TCF7L2: variants seen among roughly 807,000 people sequenced by gnomAD.
TCF7L2 encodes transcription factor 7 like 2, also known as transcription factor 7-like 2.
TCF7L2 carries 23 observed loss-of-function variants against 77.9 expected under a neutral mutation model. The ratio of observed to expected loss-of-function variants is 0.30; its 90% CI spans 0.21 to 0.42. The LOEUF (loss-of-function observed/expected upper bound fraction) is 0.42. TCF7L2 is among the 10% of genes least tolerant of loss of function. The pLI, the probability that TCF7L2 is intolerant of heterozygous loss-of-function variation, is 1.00. For missense variants in TCF7L2, 654 were observed against 793.1 expected (o/e 0.82, Z 2.11); for synonymous variants, 413 against 340.2 (o/e 1.21, Z -2.36).
intron 4 of TCF7L2, among the ~76,000 whole-genome samples, chr10:113,036,473 C>A (rs1369989970): frequency 6.6e-6 from 1 of 152,108 alleles, no homozygotes; most frequent in Non-Finnish European, 1.5e-5. Context: ...GGCAATTTAA[C>A]AGTCTTTTCA....
chr10:112,998,716 G>A (rs1207137230), intron 4 of TCF7L2, among the ~76,000 whole-genome samples: 1 of 152,206 alleles, frequency 6.6e-6, no homozygotes, highest in African/African-American at 2.4e-5. Flanking sequence ...CTGGACACAG[G>A]CCTGTGTGAC....
At chr10:112,994,048 CTG>C (rs1197289571) in intron 4 of TCF7L2, among the ~76,000 whole-genome samples, 1 of 141,916 alleles carries the variant, frequency 7.0e-6, no homozygotes, top group Non-Finnish European at 1.5e-5. Context: ...GAGCGAGACT[CTG>C]TCTCAAAAAA....
At chr10:112,984,618 G>C (rs1405142964) in intron 4 of TCF7L2, among the ~76,000 whole-genome samples, 1 of 151,894 alleles carries the variant, frequency 6.6e-6, no homozygotes, top group Non-Finnish European at 1.5e-5. Context: ...AGTGCATTGT[G>C]AGATGAGGCA....
In TCF7L2 at chr10:113,151,229, T is replaced by G; in HGVS notation, c.1001+106T>G. 1 of 1,508,022 alleles carries G rather than the reference T, an allele frequency of 6.6e-7. No individual in the cohort carries two copies. The highest frequency in any genetic ancestry group is 9.1e-7 in the Non-Finnish European group (1 of 1,102,442). The allele number at this position is 1,508,022 out of a possible 1,614,324, so 93.4% of individuals were successfully genotyped here. Reference sequence around the variant, plus strand: ...TGCCTAAGGTTGGCCTCGTTTGGTTTGACTGCAGCCAATACCCAGCCTGTG... The same window carrying G: ...TGCCTAAGGTTGGCCTCGTTTGGTTGGACTGCAGCCAATACCCAGCCTGTG... On this transcript the variant is annotated intron_variant, in intron 9 of 13. Coordinates refer to ENST00000627217, the MANE Select transcript of TCF7L2 (RefSeq NM_001146274.2). The surrounding 1 kb of genome is among the most constrained non-coding windows in gnomAD (Gnocchi z 5.2).
intron 4 of TCF7L2, among the ~76,000 whole-genome samples, chr10:113,014,368 G>A (rs2046978930): frequency 6.6e-6 from 1 of 152,166 alleles, no homozygotes; most frequent in Non-Finnish European, 1.5e-5. Context: ...TTTGGTGGTA[G>A]TTTTGCGAGG....
chr10:113,031,612 C>T (rs11196197), intron 4 of TCF7L2, among the ~76,000 whole-genome samples: 21,376 of 151,876 alleles, frequency 0.14, 1,620 homozygotes, highest in Middle Eastern at 0.17. Flanking sequence ...TTTAGCCTCC[C>T]GAGTAGCTGG....
At chr10:112,966,972 G>A (rs2037077163) in intron 4 of TCF7L2, among the ~76,000 whole-genome samples, 1 of 152,170 alleles carries the variant, frequency 6.6e-6, no homozygotes, top group Non-Finnish European at 1.5e-5. Context: ...TTCTCCCTCA[G>A]TCTCTGCTAG....
intron 8 of TCF7L2, among the ~76,000 whole-genome samples, chr10:113,148,669 C>CGG (rs1485476055): frequency 6.6e-6 from 1 of 152,038 alleles, no homozygotes; most frequent in Non-Finnish European, 1.5e-5. Flanking sequence ...TGAAAGCAGA[C>CGG]GGGGGTATAT....
chr10:113,116,555 G>A (rs2063756263), intron 5 of TCF7L2, among the ~76,000 whole-genome samples: 1 of 152,118 alleles, frequency 6.6e-6, no homozygotes, highest in African/African-American at 2.4e-5. Flanking sequence ...TACAGATTAA[G>A]CCTGGGGATC....
chr10:113,028,729 G>C (rs1267143261), intron 4 of TCF7L2, among the ~76,000 whole-genome samples: 3 of 152,180 alleles, frequency 2.0e-5, no homozygotes, highest in African/African-American at 7.2e-5. Flanking sequence ...AAGAAATACA[G>C]AATGGGGAGG....
At chr10:113,075,414 G>C (rs999002269) in intron 5 of TCF7L2, among the ~76,000 whole-genome samples, 1 of 151,088 alleles carries the variant, frequency 6.6e-6, no homozygotes, top group East Asian at 1.9e-4. Context: ...AGCTGAGATC[G>C]TGCCATTGCA....
chr10:113,101,841 T>TAAAAAAAA (rs1564895980), intron 5 of TCF7L2, among the ~76,000 whole-genome samples: 1 of 5,688 alleles, frequency 1.8e-4, no homozygotes, highest in Non-Finnish European at 2.9e-4. Context: ...AGACTCCGTC[T>TAAAAAAAA]CAAAAAAAAA....
At chr10:112,984,316 T>G (rs185952675) in intron 4 of TCF7L2, among the ~76,000 whole-genome samples, 1 of 152,122 alleles carries the variant, frequency 6.6e-6, no homozygotes, top group Non-Finnish European at 1.5e-5. Flanking sequence ...TTGTTTTTGT[T>G]TTTTTTTGGC....
rs115976267 is a variant in TCF7L2, at chr10:113,147,265, G to A, written c.875+1168G>A. On this transcript the variant is annotated intron_variant, in intron 8 of 13. Coordinates refer to ENST00000627217, the MANE Select transcript of TCF7L2 (RefSeq NM_001146274.2). ...GTGCTGTCCCCAGCTTCTTTCCCCA[G>A]TCCCTGTGGCCAACATGGGAAGCCA... is the stretch of plus-strand genomic sequence containing the variant. Among the ~76,000 whole-genome samples the A allele has an allele frequency of 6.0e-3, 911 of 152,282 alleles. 8 individuals carry two copies. The highest frequency in any genetic ancestry group is 0.02 in the African/African-American group (851 of 41,550).
At chr10:113,129,598 G>A in intron 5 of TCF7L2, 1 of 1,120,394 alleles carries the variant, frequency 8.9e-7, no homozygotes, top group Middle Eastern at 4.2e-4. Flanking sequence ...TGTACAGGGG[G>A]AAGGATTAAC....
At chr10:113,068,510 A>G (rs781742794) in intron 5 of TCF7L2, among the ~76,000 whole-genome samples, 2 of 152,046 alleles carry the variant, frequency 1.3e-5, no homozygotes, top group Non-Finnish European at 2.9e-5. Context: ...ATACACCTCT[A>G]CCCTGCCATG....
intron 4 of TCF7L2, among the ~76,000 whole-genome samples, chr10:112,986,452 T>C (rs1277060259): frequency 1.3e-5 from 2 of 152,210 alleles, no homozygotes; most frequent in African/African-American, 4.8e-5. Context: ...CTTTATCTTA[T>C]AAAGCCTAAA....
At chr10:113,127,694 G>A (rs1236739384) in intron 5 of TCF7L2, among the ~76,000 whole-genome samples, 1 of 151,822 alleles carries the variant, frequency 6.6e-6, no homozygotes, top group East Asian at 1.9e-4. Flanking sequence ...GTGTACTTCT[G>A]ACAAACTGGG....
At chr10:113,063,893 CGTGTGT>C (rs34087825) in intron 5 of TCF7L2, among the ~76,000 whole-genome samples, 115 of 147,138 alleles carry the variant, frequency 7.8e-4, no homozygotes, top group Admixed American at 1.6e-3. Context: ...ATGGATGTGG[CGTGTGT>C]GTGTGTGTGT....
Sources: gnomAD v4.1 joint callset for allele counts (sites outside exome capture counted in the v4.1 genomes callset) on GRCh38, gnomAD v4.1.1 for gene constraint, Gnocchi (gnomAD v3.1) non-coding constraint, MANE v1.5 for transcripts, NCBI Gene and HGNC (gene_info 2026-07-23, HGNC 2026-07-21) for gene names.